The following SMS variants were observed in gnomAD, a reference collection of about 807,000 sequenced individuals.
SMS encodes the protein spermine synthase, also known as spermidine aminopropyltransferase.
A neutral mutation model predicts 33.0 loss-of-function variants in SMS; 3 were observed. The ratio of observed to expected loss-of-function variants is 0.09; its 90% CI spans 0.04 to 0.23. The LOEUF (loss-of-function observed/expected upper bound fraction) is 0.23. Among genes scored for constraint, SMS ranks in the 10% least tolerant of loss-of-function variants. SMS has a pLI of 1.00. For missense variants in SMS, 117 were observed against 288.6 expected (o/e 0.41, Z 4.31); for synonymous variants, 103 against 112.2 (o/e 0.92, Z 0.52).
At chrX:21,987,886 G>C (rs766614438) in intron 9 of SMS, among the ~76,000 whole-genome samples, 33 of 112,275 alleles carry the variant, frequency 2.9e-4, no homozygotes, top group Non-Finnish European at 5.1e-4. Context: ...CTCCTATGGA[G>C]AGCTGTTATC....
chrX:21,988,972 T>TA (rs1319350320), intron 9 of SMS, among the ~76,000 whole-genome samples: 6 of 110,252 alleles, frequency 5.4e-5, no homozygotes, highest in Non-Finnish European at 7.6e-5. Flanking sequence ...CAGCCCCATT[T>TA]AAAAAAAACT....
chrX:21,960,308 C>T (rs147077919), intron 1 of SMS, among the ~76,000 whole-genome samples: 1,578 of 109,883 alleles, frequency 0.014, 32 homozygotes, highest in African/African-American at 0.051. Context: ...ATATGCTTGG[C>T]GAGAATAGAA....
intron 2 of SMS, among the ~76,000 whole-genome samples, chrX:21,968,729 A>G (rs1923914240): frequency 1.8e-5 from 2 of 112,178 alleles, no homozygotes; most frequent in Non-Finnish European, 3.8e-5. Flanking sequence ...CTTGGTTTGT[A>G]TTATATCTGG....
chrX:21,990,399 G>A (rs1925679148), intron 9 of SMS, among the ~76,000 whole-genome samples: 1 of 112,682 alleles, frequency 8.9e-6, no homozygotes, highest in Non-Finnish European at 1.9e-5. Flanking sequence ...CTTCGATAGT[G>A]CCAGGTGTGA....
intron 7 of SMS, among the ~76,000 whole-genome samples, chrX:21,980,106 A>C (rs181087995): frequency 5.4e-5 from 6 of 110,926 alleles, no homozygotes; most frequent in African/African-American, 2.0e-4. Context: ...ATTATGCTCA[A>C]GTAGGATTTA....
intron 7 of SMS, among the ~76,000 whole-genome samples, chrX:21,982,577 GT>G (rs923993602): frequency 1.8e-5 from 2 of 112,110 alleles, no homozygotes; most frequent in African/African-American, 6.5e-5. Context: ...AGTTAAAAAG[GT>G]GTCACTACAA....
chrX:21,974,677 T>A (rs1016030118), intron 4 of SMS, among the ~76,000 whole-genome samples: 7 of 111,328 alleles, frequency 6.3e-5, no homozygotes, highest in Non-Finnish European at 1.3e-4. Context: ...TTCTTTTCCT[T>A]TTTTGGTATA....
At chrX:21,975,595 T>G (rs1924484792) in intron 4 of SMS, among the ~76,000 whole-genome samples, 1 of 111,410 alleles carries the variant, frequency 9.0e-6, no homozygotes, top group Admixed American at 9.6e-5. Context: ...CCAAGTCCTG[T>G]TCGCCTGCTC....
intron 1 of SMS, among the ~76,000 whole-genome samples, chrX:21,954,969 T>C (rs1344883105): frequency 9.1e-6 from 1 of 110,414 alleles, no homozygotes; most frequent in East Asian, 2.9e-4. Context: ...CCCGAGTAGC[T>C]GGTATTACAG....
intron 2 of SMS, 59 bp from the exon 3 acceptor site, chrX:21,971,838 C>CTCT: frequency 1.7e-6 from 1 of 573,986 alleles, no homozygotes; most frequent in Non-Finnish European, 2.7e-6. Context: ...CTCTCTCTCT[C>CTCT]TTTTTTTTTT....
intron 1 of SMS, among the ~76,000 whole-genome samples, chrX:21,964,184 T>C (rs1923547156): frequency 9.0e-6 from 1 of 111,185 alleles, no homozygotes; most frequent in African/African-American, 3.3e-5. Flanking sequence ...CAAGCTAGAT[T>C]ATTTTCTGCC....
At chrX:21,954,533 G>T (rs780759724) in intron 1 of SMS, among the ~76,000 whole-genome samples, 2 of 111,879 alleles carry the variant, frequency 1.8e-5, no homozygotes, top group African/African-American at 6.5e-5. Context: ...GAGTAGTTTT[G>T]ACTTGTGTCC....
intron 1 of SMS, among the ~76,000 whole-genome samples, chrX:21,961,136 C>T (rs779156262): frequency 6.0e-5 from 6 of 99,991 alleles, no homozygotes; most frequent in Non-Finnish European, 9.9e-5. Flanking sequence ...CTACTTTATG[C>T]ACATGGGGCT....
chrX:21,982,827 A>G (rs954945783), intron 7 of SMS, among the ~76,000 whole-genome samples: 1 of 112,345 alleles, frequency 8.9e-6, no homozygotes, highest in Non-Finnish European at 1.9e-5. Context: ...ATATGAGCAT[A>G]TCAAACAGGA....
rs186776286 is a variant in SMS at position 21,987,248 on chromosome X, C to T, written c.945+2025C>T. ...CCAACCTCAGGTGATACGCCCCCCT[C>T]GGCCTCCCAAAGTGCTGGGATTACA... is the stretch of plus-strand genomic sequence containing the variant. On this transcript the variant is annotated intron_variant, in intron 9 of 10. Coordinates refer to ENST00000404933, the MANE Select transcript of SMS (RefSeq NM_004595.5). Among the ~76,000 whole-genome samples the T allele has an allele frequency of 3.3e-4, 37 of 112,231 alleles. No homozygotes were observed. In the East Asian group the frequency reaches 8.7e-3, roughly 26 times the overall value.
intron 7 of SMS, among the ~76,000 whole-genome samples, chrX:21,982,892 A>T (rs1188644525): frequency 1.8e-5 from 2 of 112,386 alleles, no homozygotes; most frequent in Non-Finnish European, 3.7e-5. Flanking sequence ...ATTTTTCCAT[A>T]GTTGGACTTG....
At chrX:21,949,892 C>T (rs1310503635) in intron 1 of SMS, among the ~76,000 whole-genome samples, 1 of 110,175 alleles carries the variant, frequency 9.1e-6, no homozygotes. Context: ...AATGCTGATT[C>T]GGGATTTCCA....
intron 1 of SMS, among the ~76,000 whole-genome samples, chrX:21,960,543 A>G (rs1353700769): frequency 8.9e-6 from 1 of 111,985 alleles, no homozygotes; most frequent in Non-Finnish European, 1.9e-5. Context: ...CATGTTGCCT[A>G]TATTTTCTAA....
intron 1 of SMS, among the ~76,000 whole-genome samples, chrX:21,947,692 C>G (rs1224748292): frequency 9.0e-6 from 1 of 111,395 alleles, no homozygotes; most frequent in African/African-American, 3.3e-5. Flanking sequence ...GGATCCCTGT[C>G]CCTTTTCCCA....
Sources: gnomAD v4.1 joint callset for allele counts (sites outside exome capture counted in the v4.1 genomes callset) on GRCh38, gnomAD v4.1.1 for gene constraint, MANE v1.5 for transcripts, NCBI Gene and HGNC (gene_info 2026-07-23, HGNC 2026-07-21) for gene names.